Variants in NCKAP5 observed in about 807,000 individuals in gnomAD.
The protein encoded by NCKAP5 is nck-associated protein 5.
In NCKAP5, 92 loss-of-function variants were observed where a neutral mutation model predicts 167.0. The observed-to-expected ratio is 0.55, with a 90% CI of 0.47 to 0.66. The LOEUF (loss-of-function observed/expected upper bound fraction) is 0.66, where lower values mean the gene tolerates loss of function less well. Among genes scored for constraint, NCKAP5 ranks in the 30% least tolerant of loss-of-function variants. NCKAP5 has a pLI of 0.00. For synonymous variants in NCKAP5, 891 were observed against 877.4 expected (o/e 1.02, Z -0.27); for missense variants, 2,378 against 2,315.0 (o/e 1.03, Z -0.56).
intron 3 of NCKAP5, among the ~76,000 whole-genome samples, chr2:133,378,215 G>C (rs1306869884): frequency 1.3e-5 from 2 of 151,994 alleles, no homozygotes; most frequent in Non-Finnish European, 2.9e-5. Context: ...ACTAGGATAT[G>C]GACACATCAT....
chr2:133,235,931 G>T (rs1253272756), intron 4 of NCKAP5, among the ~76,000 whole-genome samples: 1 of 150,732 alleles, frequency 6.6e-6, no homozygotes, highest in Non-Finnish European at 1.5e-5. Flanking sequence ...GCAAAAAAAT[G>T]GTGGCTTGTG....
chr2:132,818,623 G>T (rs913373073), intron 11 of NCKAP5, among the ~76,000 whole-genome samples: 6 of 152,222 alleles, frequency 3.9e-5, no homozygotes, highest in Non-Finnish European at 7.3e-5. Flanking sequence ...GGGAGGTGGT[G>T]GTTGCAGTGA....
chr2:133,425,184 G>C (rs766904388), intron 3 of NCKAP5, among the ~76,000 whole-genome samples: 1 of 152,176 alleles, frequency 6.6e-6, no homozygotes, highest in Non-Finnish European at 1.5e-5. Flanking sequence ...ATCAAACCCA[G>C]GGTGTTGCCT....
chr2:133,491,576 T>C (rs1269742558), intron 3 of NCKAP5, among the ~76,000 whole-genome samples: 4 of 152,244 alleles, frequency 2.6e-5, no homozygotes, highest in Admixed American at 2.6e-4. Context: ...TCTATTCTTC[T>C]GATATTCTAT....
chr2:132,962,364 G>A (rs1025861138), intron 8 of NCKAP5, among the ~76,000 whole-genome samples: 1 of 152,274 alleles, frequency 6.6e-6, no homozygotes, highest in Non-Finnish European at 1.5e-5. Context: ...CAGAGGCATG[G>A]GGAGCCTAAG....
At chr2:132,876,797 T>C (rs184556246) in intron 9 of NCKAP5, among the ~76,000 whole-genome samples, 2 of 152,334 alleles carry the variant, frequency 1.3e-5, no homozygotes, top group African/African-American at 4.8e-5. Flanking sequence ...TTATATGAAA[T>C]GATTTTGTGG....
chr2:132,822,972 A>G (rs1314041783), intron 11 of NCKAP5, among the ~76,000 whole-genome samples: 3 of 152,230 alleles, frequency 2.0e-5, no homozygotes, highest in Non-Finnish European at 4.4e-5. Context: ...CTTGAAGTCA[A>G]GGCTTTTGAA....
intron 3 of NCKAP5, among the ~76,000 whole-genome samples, chr2:133,510,461 G>T (rs1220973287): frequency 6.6e-6 from 1 of 152,154 alleles, no homozygotes; most frequent in Non-Finnish European, 1.5e-5. Flanking sequence ...TCCAAGGTCT[G>T]GTTCATCAGA....
rs938279132 is a variant in NCKAP5, at chr2:133,101,038, C to T, written c.341+28940G>A. Among the ~76,000 whole-genome samples, 12 of 152,040 alleles carry T rather than the reference C, an allele frequency of 7.9e-5. No individual in the cohort carries two copies. The East Asian group carries it at 2.1e-3, about 27-fold the overall frequency. On this transcript the variant is annotated intron_variant, in intron 6 of 19. Transcript: ENST00000409261. Reference sequence around the variant, plus strand: ...TTCTAGGGTTTTTATGGTTTTAGGTCTAACGTTTAAACCTTTAATCCATCT... The same window carrying T: ...TTCTAGGGTTTTTATGGTTTTAGGTTTAACGTTTAAACCTTTAATCCATCT...
chr2:133,013,837 T>C (rs917819172), intron 6 of NCKAP5, among the ~76,000 whole-genome samples: 2 of 152,162 alleles, frequency 1.3e-5, no homozygotes, highest in African/African-American at 4.8e-5. Context: ...TTCACAGGTC[T>C]CTATTTTCCT....
the NCKAP5 span, among the ~76,000 whole-genome samples, chr2:133,621,352 A>T: frequency 5.9e-5 from 9 of 152,220 alleles, no homozygotes; most frequent in African/African-American, 1.9e-4. Context: ...CTTTGAAAAG[A>T]TAAATAAAAT....
chr2:132,879,270 C>T (rs1366216620), intron 8 of NCKAP5, among the ~76,000 whole-genome samples: 1 of 152,144 alleles, frequency 6.6e-6, no homozygotes, highest in African/African-American at 2.4e-5. Context: ...TTCATTAAGG[C>T]CCATCACAGA....
chr2:132,716,579 G>T (rs928428422), intron 19 of NCKAP5, among the ~76,000 whole-genome samples: 2 of 151,970 alleles, frequency 1.3e-5, no homozygotes, highest in Non-Finnish European at 1.5e-5. Flanking sequence ...TGAACTTGAG[G>T]GGGGTAACAC....
intron 3 of NCKAP5, among the ~76,000 whole-genome samples, chr2:133,440,595 A>G (rs1475336329): frequency 2.0e-5 from 3 of 150,674 alleles, no homozygotes; most frequent in Admixed American, 6.7e-5. Context: ...CTGAACTCCC[A>G]GCTACTCTGG....
At chr2:133,012,438 G>A (rs11899338) in intron 6 of NCKAP5, among the ~76,000 whole-genome samples, 1,923 of 152,140 alleles carry the variant, frequency 0.013, 36 homozygotes, top group African/African-American at 0.043. Context: ...TAGTAGGGAC[G>A]GGGGTTTCAC....
At chr2:132,897,766 A>G (rs879779212) in intron 8 of NCKAP5, among the ~76,000 whole-genome samples, 2 of 152,242 alleles carry the variant, frequency 1.3e-5, no homozygotes, top group African/African-American at 2.4e-5. Flanking sequence ...TATATTAAGT[A>G]TGCAACAGCC....
At chr2:133,620,054 G>A in the NCKAP5 span, among the ~76,000 whole-genome samples, 1 of 152,024 alleles carries the variant, frequency 6.6e-6, no homozygotes, top group Non-Finnish European at 1.5e-5. Flanking sequence ...CAAAGGCTGA[G>A]GGAATTTGCT....
chr2:133,159,604 G>A lies in NCKAP5; in HGVS notation c.208-29493C>T, dbSNP rs76158254. On this transcript the variant is annotated intron_variant, in intron 5 of 19. Transcript: ENST00000409261. ...TCCATCATTAAGTACAATATGCAGG[G>A]TTGGTGAGAACCACTGGCATGTTCC... 7.5e-3 allele frequency among the ~76,000 whole-genome samples: 1,149 copies of A among 152,288 alleles called. 8 individuals are homozygous for A. The highest frequency in any genetic ancestry group is 0.012 in the Non-Finnish European group (824 of 68,034).
At chr2:133,199,317 T>C (rs1461133322) in intron 5 of NCKAP5, among the ~76,000 whole-genome samples, 1 of 151,900 alleles carries the variant, frequency 6.6e-6, no homozygotes, top group East Asian at 1.9e-4. Flanking sequence ...AACCAAAGAA[T>C]GGGGGAAAAA....
Sources: allele counts gnomAD v4.1 joint callset (sites outside exome capture counted in the v4.1 genomes callset), GRCh38; gene constraint gnomAD v4.1.1; transcripts MANE v1.5; gene names NCBI Gene and HGNC (gene_info 2026-07-23, HGNC 2026-07-21).